TXLNG: variants seen among roughly 807,000 people sequenced by gnomAD.
The protein encoded by TXLNG is taxilin gamma.
Under a neutral mutation model 38.8 loss-of-function variants are expected in TXLNG, and 5 were observed. The observed-to-expected ratio is 0.13, with a 90% CI of 0.07 to 0.27. TXLNG has a LOEUF of 0.27. Ranked by LOEUF, TXLNG falls within the 10% of genes least tolerant of loss-of-function variation. The pLI is 1.00. For missense variants in TXLNG, 393 were observed against 398.2 expected (o/e 0.99, Z 0.11); for synonymous variants, 182 against 158.2 (o/e 1.15, Z -1.13).
chrX:16,792,269 G>A (rs1349637551), intron 1 of TXLNG, among the ~76,000 whole-genome samples: 3 of 111,663 alleles, frequency 2.7e-5, no homozygotes, highest in Non-Finnish European at 3.8e-5. Context: ...AGTTGGTGAC[G>A]TTTGCTAGGG....
At chrX:16,803,802 A>G (rs1411465164) in intron 1 of TXLNG, among the ~76,000 whole-genome samples, 2 of 109,326 alleles carry the variant, frequency 1.8e-5, no homozygotes, top group Admixed American at 1.9e-4. Flanking sequence ...AAATACAAAA[A>G]TTAGCTGGGC....
At chrX:16,804,076 A>G (rs1292461590) in intron 1 of TXLNG, among the ~76,000 whole-genome samples, 1 of 112,544 alleles carries the variant, frequency 8.9e-6, no homozygotes, top group Non-Finnish European at 1.9e-5. Context: ...TCCAACTTCT[A>G]GGTCCGCAAT....
rs1305978537 is a variant in TXLNG, at chrX:16,837,662, A to G, written c.1129A>G (p.Thr377Ala). The change falls in exon 8 of 10, where the codon ACC (threonine) becomes GCC (alanine). Residue 377 changes from threonine to alanine, a missense_variant. Physicochemically the swap from Thr to Ala is moderately conservative, Grantham distance 58. Coordinates refer to ENST00000380122, the MANE Select transcript of TXLNG (RefSeq NM_018360.3). ...TMAKSNELFT[T>A]FRQEMEKMTK... is the part of the protein sequence containing the mutation. ...GGCAAAAAGCAATGAACTGTTTACA[A>G]CCTTCAGACAGGAAATGGAAAAGGT... The G allele has an allele frequency of 1.5e-5, 18 of 1,199,458 alleles. No homozygotes were observed. The highest frequency in any genetic ancestry group is 1.9e-5 in the Non-Finnish European group (17 of 888,753).
intron 9 of TXLNG, among the ~76,000 whole-genome samples, chrX:16,840,829 A>G (rs1325350711): frequency 8.9e-6 from 1 of 111,943 alleles, no homozygotes; most frequent in Non-Finnish European, 1.9e-5. Flanking sequence ...TGTAGAAGTG[A>G]GTCATTTTCT....
At chrX:16,820,389 A>G (rs1339312934) in intron 3 of TXLNG, 134 bp downstream of exon 3, 15 of 504,865 alleles carry the variant, frequency 3.0e-5, no homozygotes, top group Non-Finnish European at 4.1e-5. Flanking sequence ...ATTGAAGAAG[A>G]GAATCTGTTT....
At chrX:16,814,794 A>C (rs1011159336) in intron 1 of TXLNG, among the ~76,000 whole-genome samples, 2 of 111,867 alleles carry the variant, frequency 1.8e-5, no homozygotes, top group Non-Finnish European at 3.8e-5. Context: ...CAGGTTATGA[A>C]AGTGTTGCAA....
rs1370346506 is a variant in TXLNG at position 16,843,269 on chromosome X, C to T, written c.*1503C>T. The T allele has an allele frequency of 2.7e-5, 3 of 112,235 alleles. No individual in the cohort carries two copies. In the East Asian group the frequency reaches 8.4e-4, roughly 31 times the overall value. 9.2% of individuals were successfully genotyped at this position (112,235 alleles called of 1,213,427 possible). ...AAGTGTTATTTGTAAAGTCCTGTCA[C>T]ATTCATGGTCGAAACTGGGTTGAAA... On this transcript the variant is annotated 3_prime_UTR_variant, in exon 10 of 10. Transcript: ENST00000380122.
chrX:16,837,245 A>G (rs1469146178), intron 7 of TXLNG, among the ~76,000 whole-genome samples: 1 of 112,182 alleles, frequency 8.9e-6, no homozygotes, highest in Non-Finnish European at 1.9e-5. Flanking sequence ...TGCAGGTGGT[A>G]TTCTAAAGGA....
chrX:16,830,604 T>TA lies in TXLNG; in HGVS notation c.864+847dup, dbSNP rs1227790659. ...ATGGATTCAAAAAGCTGATTCAAATTAAAAAAAAAAAAAGATCAGGCATCT... is the reference window on the plus strand; with the variant it reads ...ATGGATTCAAAAAGCTGATTCAAATTAAAAAAAAAAAAAAGATCAGGCATCT... On this transcript the variant is annotated intron_variant, in intron 5 of 9. Transcript: ENST00000380122. 9.4e-3 allele frequency among the ~76,000 whole-genome samples: 902 copies of TA among 95,940 alleles called. 5 individuals carry two copies. The highest frequency in any genetic ancestry group is 0.029 in the African/African-American group (779 of 26,528). The allele number at this position is 95,940 out of a possible 115,157, so 83.3% of individuals were successfully genotyped here.
At chrX:16,804,967 G>GCC (rs1289571882) in intron 1 of TXLNG, among the ~76,000 whole-genome samples, 7 of 847 alleles carry the variant, frequency 8.3e-3, no homozygotes, top group African/African-American at 0.012. Context: ...CACCACCACT[G>GCC]CCCACCCCCC....
At chrX:16,803,190 G>A in intron 1 of TXLNG, 1 of 112,968 alleles carries the variant, frequency 8.9e-6, no homozygotes, top group South Asian at 3.5e-4. Flanking sequence ...GCCTAAGTTT[G>A]ACCCAACAAA....
chrX:16,841,287 A>C, intron 9 of TXLNG, 141 bp from the exon 10 acceptor site: 38 of 463,376 alleles, frequency 8.2e-5, no homozygotes, highest in Non-Finnish European at 1.3e-4. Flanking sequence ...CAGTCATGCT[A>C]GCTAGCTAGA....
chrX:16,800,025 C>T (rs953142147), intron 1 of TXLNG, among the ~76,000 whole-genome samples: 2 of 107,834 alleles, frequency 1.9e-5, no homozygotes, highest in Non-Finnish European at 3.8e-5. Context: ...CTGCAACCAC[C>T]GCCTCCGGAG....
At chrX:16,838,930 G>A (rs1290868760) in intron 8 of TXLNG, among the ~76,000 whole-genome samples, 1 of 111,706 alleles carries the variant, frequency 9.0e-6, no homozygotes, top group Non-Finnish European at 1.9e-5. Flanking sequence ...CCTTTGTCCC[G>A]GTTTGCCTTG....
intron 4 of TXLNG, 103 bp downstream of exon 4, chrX:16,828,367 G>T (rs764286336): frequency 4.9e-6 from 4 of 812,468 alleles, no homozygotes; most frequent in Non-Finnish European, 6.8e-6. Context: ...CTTGGAGACA[G>T]ATACTGCCTT....
At chrX:16,812,811 C>G (rs1395914469) in intron 1 of TXLNG, among the ~76,000 whole-genome samples, 1 of 102,394 alleles carries the variant, frequency 9.8e-6, no homozygotes, top group Admixed American at 1.1e-4. Context: ...TAGTGATTCT[C>G]CTGCCTCAGC....
chrX:16,836,425 C>A (rs1047412276), intron 7 of TXLNG, among the ~76,000 whole-genome samples: 1 of 112,716 alleles, frequency 8.9e-6, no homozygotes, highest in African/African-American at 3.2e-5. Context: ...CCCTGCATTT[C>A]TCTTCCTGCT....
intron 1 of TXLNG, among the ~76,000 whole-genome samples, chrX:16,815,678 C>T (rs1405658516): frequency 9.0e-6 from 1 of 111,074 alleles, no homozygotes; most frequent in Non-Finnish European, 1.9e-5. Flanking sequence ...TGCTCCACCA[C>T]GCCTGGCTAA....
At chrX:16,830,899 T>A (rs1929387561) in intron 5 of TXLNG, among the ~76,000 whole-genome samples, 1 of 49,798 alleles carries the variant, frequency 2.0e-5, no homozygotes, top group Non-Finnish European at 3.3e-5. Context: ...AGAGACAGTT[T>A]CTTGCTAAAT....
Sources: allele counts gnomAD v4.1 joint callset (sites outside exome capture counted in the v4.1 genomes callset), GRCh38; gene constraint gnomAD v4.1.1; transcripts MANE v1.5; gene names NCBI Gene and HGNC (gene_info 2026-07-23, HGNC 2026-07-21).